TRIM51G: variants seen among roughly 807,000 people sequenced by gnomAD.
TRIM51G encodes tripartite motif-containing protein 51G.
At chr11:48,980,708 C>A in the TRIM51G span, among the ~76,000 whole-genome samples, 3 of 152,134 alleles carry the variant, frequency 2.0e-5, no homozygotes, top group Non-Finnish European at 4.4e-5. Context: ...GCTTGGGTAA[C>A]ATCTGTGGTC....
At chr11:48,978,033 C>A in the TRIM51G span, 11 of 465,542 alleles carry the variant, frequency 2.4e-5, no homozygotes, top group Admixed American at 2.4e-4. Context: ...ACAACCAGCA[C>A]AAGGTAGTAT....
the TRIM51G span, chr11:48,978,228 T>A: frequency 1.9e-6 from 1 of 523,410 alleles, no homozygotes. Flanking sequence ...CATTGTGTGA[T>A]ATGGAGACAG....
chr11:48,982,085 C>G, the TRIM51G span, among the ~76,000 whole-genome samples: 2 of 152,008 alleles, frequency 1.3e-5, no homozygotes, highest in African/African-American at 2.4e-5. Flanking sequence ...AGAAAACCTA[C>G]ACTGGGTAAC....
chr11:48,978,771 A>C, the TRIM51G span: 1 of 633,240 alleles, frequency 1.6e-6, no homozygotes, highest in African/African-American at 1.8e-5. Context: ...GTTTTTGGAA[A>C]CAAATCATGG....
the TRIM51G span, chr11:48,980,833 A>G: frequency 2.3e-6 from 1 of 437,400 alleles, no homozygotes; most frequent in South Asian, 1.7e-5. Flanking sequence ...GGTTGAGATC[A>G]AGTTCCTATT....
At chr11:48,977,681 A>G in the TRIM51G span, among the ~76,000 whole-genome samples, 1 of 152,112 alleles carries the variant, frequency 6.6e-6, no homozygotes. Context: ...TCAGAATTAT[A>G]TATTTAAATA....
At chr11:48,979,232 T>G in the TRIM51G span, 1 of 541,172 alleles carries the variant, frequency 1.8e-6, no homozygotes, top group Non-Finnish European at 3.5e-6. Context: ...TCCACAAAAT[T>G]TTATTCCTTT....
chr11:48,979,036 C>T, the TRIM51G span: 2 of 1,056,838 alleles, frequency 1.9e-6, no homozygotes, highest in African/African-American at 1.6e-5. Flanking sequence ...TGCTCTTCTT[C>T]ATGGAAAAAT....
the TRIM51G span, chr11:48,981,448 C>A: frequency 6.2e-7 from 1 of 1,607,558 alleles, no homozygotes; most frequent in East Asian, 2.2e-5. Flanking sequence ...AAGGAATTGC[C>A]GGAGGCTGGC....
At chr11:48,980,456 C>A in the TRIM51G span, among the ~76,000 whole-genome samples, 1 of 151,962 alleles carries the variant, frequency 6.6e-6, no homozygotes. Flanking sequence ...TCATGCTTTC[C>A]CTAAGGTTGC....
At chr11:48,980,320 A>G in the TRIM51G span, among the ~76,000 whole-genome samples, 1 of 152,050 alleles carries the variant, frequency 6.6e-6, no homozygotes, top group African/African-American at 2.4e-5. Flanking sequence ...TCCTTATATA[A>G]AATACTAGTT....
the TRIM51G span, among the ~76,000 whole-genome samples, chr11:48,983,834 A>T: frequency 1.3e-5 from 2 of 152,066 alleles, no homozygotes; most frequent in Admixed American, 6.6e-5. Context: ...TGCACAGTTG[A>T]CTTTCCAAGG....
the TRIM51G span, among the ~76,000 whole-genome samples, chr11:48,977,898 T>TTTTATTTATTTATTTA: frequency 6.9e-6 from 1 of 144,582 alleles, no homozygotes; most frequent in Admixed American, 6.9e-5. Flanking sequence ...TCTCTTTCTT[T>TTTTATTTATTTATTTA]TTTATTTATT....
At chr11:48,976,721 G>C in the TRIM51G span, among the ~76,000 whole-genome samples, 1,468 of 152,042 alleles carry the variant, frequency 9.7e-3, 20 homozygotes, top group African/African-American at 0.034. Flanking sequence ...CCAATGAAAT[G>C]TTTTTAACAA....
At chr11:48,976,689 A>G in the TRIM51G span, among the ~76,000 whole-genome samples, 114 of 152,254 alleles carry the variant, frequency 7.5e-4, 2 homozygotes, top group South Asian at 0.022. Flanking sequence ...ATACTCCAAC[A>G]AACTGCAGTG....
At chr11:48,981,832 A>T in the TRIM51G span, 1 of 982,854 alleles carries the variant, frequency 1.0e-6, no homozygotes, top group Non-Finnish European at 1.5e-6. Flanking sequence ...TTCCTCTGTA[A>T]CAAAAATGAA....
chr11:48,975,913 G>A, the TRIM51G span: 1 of 764,126 alleles, frequency 1.3e-6, no homozygotes, highest in South Asian at 1.3e-5. Flanking sequence ...ATCATGTTGA[G>A]GGTCACATCC....
chr11:48,975,839 T>C, the TRIM51G span: 5 of 1,270,398 alleles, frequency 3.9e-6, no homozygotes, highest in South Asian at 2.4e-5. Flanking sequence ...CAATAAAATT[T>C]GCCAGATATG....
At chr11:48,981,416 C>T in the TRIM51G span, 1 of 1,607,838 alleles carries the variant, frequency 6.2e-7, no homozygotes, top group Non-Finnish European at 8.5e-7. Context: ...CTGTGCGTCC[C>T]ACATATTTGC....
Sources: allele counts gnomAD v4.1 joint callset (sites outside exome capture counted in the v4.1 genomes callset), GRCh38; gene constraint gnomAD v4.1.1; transcripts MANE v1.5; gene names NCBI Gene and HGNC (gene_info 2026-07-23, HGNC 2026-07-21).